The following NAV2 variants were observed in gnomAD, a reference collection of about 807,000 sequenced individuals.
NAV2 encodes the protein helicase, APC down-regulated 1.
NAV2 carries 54 observed loss-of-function variants against 223.2 expected under a neutral mutation model. The ratio of observed to expected loss-of-function variants is 0.24; its 90% confidence interval spans 0.19 to 0.30. The LOEUF is 0.30. Among genes scored for constraint, NAV2 ranks in the 10% least tolerant of loss-of-function variants. The probability of loss-of-function intolerance (pLI) is 1.00; values close to 1 mark genes in which losing one functional copy is unlikely to be tolerated. For synonymous variants in NAV2, 1,279 were observed against 1,239.3 expected (o/e 1.03, Z -0.67); for missense variants, 2,806 against 3,147.5 (o/e 0.89, Z 2.60).
chr11:19,416,392 T>C lies in NAV2; in HGVS notation c.75+65365T>C, dbSNP rs559619729. 2.2e-4 allele frequency among the ~76,000 whole-genome samples: 33 copies of C among 152,306 alleles called. 1 individual carries two copies. The highest frequency in any genetic ancestry group is 7.9e-4 in the African/African-American group (33 of 41,566). On this transcript the variant is annotated intron_variant, in intron 1 of 37. Coordinates refer to the NAV2 transcript ENST00000360655. ...ACCTAGGAATAAAACTTACAAGGTA[T>C]GTGAAGGACCTCTTCAAGGAGAACT... is the stretch of plus-strand genomic sequence containing the variant.
At chr11:19,953,555 A>G (rs967866322) in intron 10 of NAV2, among the ~76,000 whole-genome samples, 2 of 152,192 alleles carry the variant, frequency 1.3e-5, no homozygotes, top group African/African-American at 2.4e-5. Context: ...CCTGAAGAAA[A>G]TGTCTCCCCT....
intron 1 of NAV2, among the ~76,000 whole-genome samples, chr11:19,545,872 A>C (rs7926426): frequency 0.3 from 44,958 of 152,050 alleles, 9,351 homozygotes; most frequent in African/African-American, 0.6. Context: ...AGATTGGACA[A>C]CCCTGACCTA....
intron 1 of NAV2, among the ~76,000 whole-genome samples, chr11:19,808,157 T>C (rs1209867230): frequency 6.6e-6 from 1 of 152,184 alleles, no homozygotes; most frequent in Non-Finnish European, 1.5e-5. Flanking sequence ...ACTTAGTGTG[T>C]GGCACATAGG....
chr11:19,970,775 GA>G (rs1292959540), intron 10 of NAV2, among the ~76,000 whole-genome samples: 10 of 152,140 alleles, frequency 6.6e-5, no homozygotes, highest in Non-Finnish European at 1.5e-4. Flanking sequence ...AAACCTTAGT[GA>G]CTACTTTCTA....
rs575285253 is a variant in NAV2 at position 19,360,379 on chromosome 11, A to G, written c.75+9352A>G. ...ATTTTCCACCCACTGATCCCCTGTCACTCTGCCCATAGGCTATAAATCCTC... is the reference window on the plus strand; with the variant it reads ...ATTTTCCACCCACTGATCCCCTGTCGCTCTGCCCATAGGCTATAAATCCTC... On this transcript the variant is annotated intron_variant, in intron 1 of 37. Transcript: ENST00000360655. Among the ~76,000 whole-genome samples the G allele has an allele frequency of 1.1e-3, 167 of 151,966 alleles. 2 individuals carry two copies. Among genetic ancestry groups the G allele is most frequent in the African/African-American group, 3.8e-3 (156 of 41,424 alleles).
chr11:19,422,205 T>G (rs561665139), intron 1 of NAV2, among the ~76,000 whole-genome samples: 8 of 152,182 alleles, frequency 5.3e-5, no homozygotes, highest in Non-Finnish European at 1.2e-4. Flanking sequence ...TGTGAGTCCT[T>G]GTTCCAGTGA....
At chr11:20,099,444 C>A (rs1014990031) in intron 31 of NAV2, among the ~76,000 whole-genome samples, 2 of 152,182 alleles carry the variant, frequency 1.3e-5, no homozygotes, top group African/African-American at 4.8e-5. Context: ...CCAGGCCAAG[C>A]CTCTCTAGAA....
At chr11:19,772,520 G>A (rs1165285439) in intron 1 of NAV2, among the ~76,000 whole-genome samples, 1 of 152,206 alleles carries the variant, frequency 6.6e-6, no homozygotes, top group East Asian at 1.9e-4. Flanking sequence ...CACTACTATG[G>A]CTAGGGTTTT....
chr11:19,408,216 A>G (rs1849986614), intron 1 of NAV2, among the ~76,000 whole-genome samples: 1 of 152,176 alleles, frequency 6.6e-6, no homozygotes, highest in Admixed American at 6.5e-5. Flanking sequence ...GACATCCAAT[A>G]CACATTGAAG....
intron 7 of NAV2, among the ~76,000 whole-genome samples, chr11:19,934,929 T>C (rs1167382916): frequency 1.3e-5 from 2 of 152,124 alleles, no homozygotes; most frequent in East Asian, 3.9e-4. Context: ...CCCTGTCTCT[T>C]TGATGGCACA....
chr11:19,809,501 C>A (rs2058746275), intron 1 of NAV2, among the ~76,000 whole-genome samples: 1 of 152,120 alleles, frequency 6.6e-6, no homozygotes, highest in African/African-American at 2.4e-5. Context: ...TTGCCATATA[C>A]CCCACCCATT....
chr11:19,792,436 T>C (rs1350061151), intron 1 of NAV2, among the ~76,000 whole-genome samples: 1 of 152,206 alleles, frequency 6.6e-6, no homozygotes, highest in East Asian at 1.9e-4. Flanking sequence ...GAGAGCACTC[T>C]TGGTAAATGA....
At chr11:20,095,051 T>C (rs988358119) in intron 29 of NAV2, among the ~76,000 whole-genome samples, 2 of 152,202 alleles carry the variant, frequency 1.3e-5, no homozygotes, top group Non-Finnish European at 2.9e-5. Context: ...TTTTCTGAGT[T>C]GCACATGTTT....
intron 8 of NAV2, among the ~76,000 whole-genome samples, chr11:19,945,147 T>G (rs2046807536): frequency 7.4e-6 from 1 of 134,668 alleles, no homozygotes; most frequent in African/African-American, 2.7e-5. Context: ...CTTCCTTTCT[T>G]TCTGTCTCCC....
chr11:19,421,814 G>A (rs1850625123), intron 1 of NAV2, among the ~76,000 whole-genome samples: 1 of 111,158 alleles, frequency 9.0e-6, no homozygotes, highest in South Asian at 3.3e-4. Flanking sequence ...TTAAGATAAT[G>A]ACCATGACCA....
chr11:20,037,980 A>T (rs1273372655), intron 12 of NAV2, among the ~76,000 whole-genome samples: 1 of 152,052 alleles, frequency 6.6e-6, no homozygotes, highest in African/African-American at 2.4e-5. Flanking sequence ...TACTGCAGAG[A>T]GAGAGAGAGA....
intron 1 of NAV2, among the ~76,000 whole-genome samples, chr11:19,514,869 C>T (rs1012803361): frequency 6.6e-6 from 1 of 152,196 alleles, no homozygotes; most frequent in African/African-American, 2.4e-5. Flanking sequence ...GAAGCAGGGG[C>T]ATGAGGAGGA....
chr11:19,879,509 G>A (rs546587357), intron 4 of NAV2, among the ~76,000 whole-genome samples: 6 of 152,280 alleles, frequency 3.9e-5, no homozygotes, highest in African/African-American at 1.2e-4. Flanking sequence ...GAAGCCAAGT[G>A]CACTGTGAAG....
intron 1 of NAV2, among the ~76,000 whole-genome samples, chr11:19,827,722 T>G (rs1394851656): frequency 6.6e-6 from 1 of 151,208 alleles, no homozygotes; most frequent in African/African-American, 2.4e-5. Flanking sequence ...TTTTTTAATT[T>G]TAAAAAATTG....
Sources: gnomAD v4.1 joint callset for allele counts (sites outside exome capture counted in the v4.1 genomes callset) on GRCh38, gnomAD v4.1.1 for gene constraint, MANE v1.5 for transcripts, NCBI Gene and HGNC (gene_info 2026-07-23, HGNC 2026-07-21) for gene names.